The following SENP7 variants were observed in gnomAD, a reference collection of about 807,000 sequenced individuals.
SENP7 encodes the protein SUMO specific peptidase 7, also known as sentrin-specific protease 7.
In SENP7, 64 loss-of-function variants were observed where a neutral mutation model predicts 141.2. The observed-to-expected ratio is 0.45, with a 90% CI of 0.37 to 0.56. The LOEUF (loss-of-function observed/expected upper bound fraction) is 0.56. SENP7 is among the 20% of genes least tolerant of loss of function. The pLI, the probability that SENP7 is intolerant of heterozygous loss-of-function variation, is 0.00. For synonymous variants in SENP7, 382 were observed against 426.4 expected, an observed-to-expected ratio of 0.90 and a Z score of 1.28; for missense variants, 1,025 against 1,212.2, an observed-to-expected ratio of 0.85 and a Z score of 2.29.
intron 16 of SENP7, among the ~76,000 whole-genome samples, 167 bp downstream of exon 16, chr3:101,339,928 T>C (rs2059288114): frequency 6.6e-6 from 1 of 152,180 alleles, no homozygotes; most frequent in East Asian, 1.9e-4. Flanking sequence ...GCAATGAAAC[T>C]GAATAAGTCA....
chr3:101,499,512 G>A (rs2065287414), intron 2 of SENP7, among the ~76,000 whole-genome samples: 1 of 149,626 alleles, frequency 6.7e-6, no homozygotes, highest in Admixed American at 6.8e-5. Flanking sequence ...GGGACTACAG[G>A]CACCTGCCAT....
intron 1 of SENP7, among the ~76,000 whole-genome samples, chr3:101,505,491 A>G (rs1396635958): frequency 6.6e-6 from 1 of 152,108 alleles, no homozygotes; most frequent in Non-Finnish European, 1.5e-5. Flanking sequence ...CATTAATGCT[A>G]CTGTGAATTC....
intron 5 of SENP7, among the ~76,000 whole-genome samples, chr3:101,401,587 T>G (rs747233651): frequency 1.1e-4 from 17 of 150,274 alleles, no homozygotes; most frequent in Non-Finnish European, 2.4e-4. Flanking sequence ...ACACAAATAA[T>G]AAGAAAGCAA....
intron 17 of SENP7, among the ~76,000 whole-genome samples, chr3:101,336,447 TTTAAGTA>T (rs2059187703): frequency 6.6e-6 from 1 of 152,218 alleles, no homozygotes; most frequent in Admixed American, 6.5e-5. Flanking sequence ...AAGGTAAAGA[TTTAAGTA>T]CCAACTAGTT....
At chr3:101,453,574 G>A (rs1444924653) in intron 4 of SENP7, among the ~76,000 whole-genome samples, 4 of 152,120 alleles carry the variant, frequency 2.6e-5, no homozygotes, top group South Asian at 4.1e-4. Flanking sequence ...TAGGGACATG[G>A]ATGAAGCTGG....
In SENP7 at chr3:101,366,724, G is replaced by A. The variant is rs769795466; in HGVS notation, c.1024C>T (p.Pro342Ser). 53 of 1,609,006 alleles carry A rather than the reference G, an allele frequency of 3.3e-5. 3 individuals carry two copies. In the South Asian group the frequency reaches 5.4e-4, roughly 16 times the overall value. Residue 342 changes from proline (P) to serine (S), a missense_variant, in exon 9 of 24, where the codon CCA (proline) becomes TCA (serine). Transcript: ENST00000394095. ...GGATCCTGATGATAGTTTTCACTTG[G>A]CTTTTCAAACTCAGTGGATATTGTT... Reference protein sequence around the residue: ...DSTISTEFEKPSENYHQDPKL... With the variant: ...DSTISTEFEKSSENYHQDPKL...
chr3:101,486,977 G>A (rs908191833), intron 3 of SENP7, among the ~76,000 whole-genome samples: 1 of 152,164 alleles, frequency 6.6e-6, no homozygotes, highest in Non-Finnish European at 1.5e-5. Context: ...ATTCTTATAT[G>A]AGACAAAACA....
At chr3:101,410,136 G>A (rs1278933453) in intron 5 of SENP7, among the ~76,000 whole-genome samples, 2 of 152,100 alleles carry the variant, frequency 1.3e-5, no homozygotes, top group African/African-American at 4.8e-5. Flanking sequence ...GATATGAATA[G>A]ACAATTCTCA....
chr3:101,458,949 T>G lies in SENP7; in HGVS notation c.284+6A>C, dbSNP rs73865636. The G allele has an allele frequency of 1.9e-3, 2,985 of 1,564,324 alleles. 47 individuals carry two copies. In the African/African-American group the frequency reaches 0.034, roughly 18 times the overall value. On this transcript the variant is annotated splice_donor_region_variant and intron_variant, in intron 4 of 23. Coordinates refer to ENST00000394095, the MANE Select transcript of SENP7 (RefSeq NM_020654.5). ...CCATACTATGTCGCACACACACATA[T>G]CTTACCTTTCTGGTGATGACTTGGA... is the stretch of plus-strand genomic sequence containing the variant.
At chr3:101,384,817 T>A (rs2060607025) in intron 6 of SENP7, among the ~76,000 whole-genome samples, 1 of 152,138 alleles carries the variant, frequency 6.6e-6, no homozygotes. Flanking sequence ...ACCACAAGGA[T>A]CCTGTGACAT....
intron 6 of SENP7, among the ~76,000 whole-genome samples, chr3:101,391,896 T>C (rs918550954): frequency 1.3e-5 from 2 of 152,116 alleles, no homozygotes; most frequent in African/African-American, 4.8e-5. Flanking sequence ...TCAAGTGAGA[T>C]TTATCTCAGG....
chr3:101,380,859 G>A (rs2060482731), intron 6 of SENP7, among the ~76,000 whole-genome samples: 1 of 151,848 alleles, frequency 6.6e-6, no homozygotes, highest in African/African-American at 2.4e-5. Context: ...AAAAAAAACT[G>A]GATACAATCC....
chr3:101,485,768 G>A (rs1413713991), intron 3 of SENP7, among the ~76,000 whole-genome samples: 1 of 152,070 alleles, frequency 6.6e-6, no homozygotes, highest in Admixed American at 6.6e-5. Context: ...AGAAATCCCT[G>A]ATTTACCTGA....
intron 6 of SENP7, among the ~76,000 whole-genome samples, chr3:101,373,689 A>T (rs1418815329): frequency 1.3e-5 from 2 of 152,224 alleles, no homozygotes; most frequent in Non-Finnish European, 2.9e-5. Context: ...ACCAAAAATA[A>T]AAATGAGTAT....
chr3:101,349,524 T>G (rs1227441015), intron 12 of SENP7, among the ~76,000 whole-genome samples: 1 of 152,138 alleles, frequency 6.6e-6, no homozygotes, highest in Admixed American at 6.6e-5. Context: ...GTCCTTGCAA[T>G]AGTTTGCTGA....
At position 101,379,542 on chromosome 3, in the gene SENP7, T is replaced by C. The variant is rs2060436092; in HGVS notation, c.678-7416A>G. Among the ~76,000 whole-genome samples the C allele has an allele frequency of 2.0e-5, 3 of 152,108 alleles. 1 individual carries two copies. Among genetic ancestry groups the C allele is most frequent in the African/African-American group, 7.2e-5 (3 of 41,434 alleles). On this transcript the variant is annotated intron_variant, in intron 6 of 23. Transcript: ENST00000394095. The stretch of plus-strand genomic sequence containing the variant: ...CAAAGTACTTGAATAAACATTTCTC[T>C]AAAGAAGACATATAAATGGCCAACA...
At position 101,351,610 on chromosome 3, in the gene SENP7, T is replaced by C; in HGVS notation, c.1657+8A>G. The C allele has an allele frequency of 1.5e-6, 2 of 1,354,022 alleles. No individual in the cohort carries two copies. Among genetic ancestry groups the C allele is most frequent in the Non-Finnish European group, 1.9e-6 (2 of 1,028,462 alleles). 83.9% of individuals were successfully genotyped at this position (1,354,022 alleles called of 1,614,324 possible). A position where few individuals can be genotyped will look rare whatever the true frequency, so the allele number is the denominator to read the frequency against. ...AAAAGACAAGTTCATAAGAGAATGA[T>C]AACTTACCTTGAAATGGGATCTTAA... On this transcript the variant is annotated splice_region_variant and intron_variant, in intron 12 of 23. Transcript: ENST00000394095.
chr3:101,366,470 T>C lies in SENP7; in HGVS notation c.1278A>G (p.Gly426=). The C allele has an allele frequency of 6.2e-7, 1 of 1,612,524 alleles. No homozygotes were observed. The highest frequency in any genetic ancestry group is 8.5e-7 in the Non-Finnish European group (1 of 1,179,306). ...LNTIEKPILR[G]HNEGNQSLIS... is the part of the protein sequence containing the mutation. ...TCAGTGATTGGTTCCCTTCATTATGTCCTCTTAGAATAGGCTTTTCTATGG... is the reference window on the plus strand; with the variant it reads ...TCAGTGATTGGTTCCCTTCATTATGCCCTCTTAGAATAGGCTTTTCTATGG... The change falls in exon 9 of 24, where the codon GGA becomes GGG. Residue 426 remains glycine (G), a synonymous_variant. Coordinates refer to ENST00000394095, the MANE Select transcript of SENP7 (RefSeq NM_020654.5).
At chr3:101,342,188 G>A (rs1304827429) in intron 14 of SENP7, among the ~76,000 whole-genome samples, 1 of 152,038 alleles carries the variant, frequency 6.6e-6, no homozygotes, top group Admixed American at 6.6e-5. Flanking sequence ...TATACATAAA[G>A]AAAGATAGAG....
Sources: gnomAD v4.1 joint callset for allele counts (sites outside exome capture counted in the v4.1 genomes callset) on GRCh38, gnomAD v4.1.1 for gene constraint, MANE v1.5 for transcripts, NCBI Gene and HGNC (gene_info 2026-07-23, HGNC 2026-07-21) for gene names.